PCDHA2: variants seen among roughly 807,000 people sequenced by gnomAD.
The protein encoded by PCDHA2 is protocadherin alpha-2.
A neutral mutation model predicts 66.0 loss-of-function variants in PCDHA2; 58 were observed. That is an observed-to-expected ratio of 0.88 (90% CI 0.71 to 1.09). PCDHA2 has a LOEUF of 1.09. Among genes scored for constraint, PCDHA2 ranks in the 50% least tolerant of loss-of-function variants. The pLI is 0.00. For missense variants in PCDHA2, 1,267 were observed against 1,242.3 expected, an observed-to-expected ratio of 1.02 and a Z score of -0.30; for synonymous variants, 634 against 554.0, an observed-to-expected ratio of 1.14 and a Z score of -2.03.
chr5:140,823,259 A>T, intron 1 of PCDHA2: 10 of 1,613,038 alleles, frequency 6.2e-6, no homozygotes, highest in Non-Finnish European at 8.5e-6. Context: ...TCGCTGGTGG[A>T]GCGGCGGGTG....
In PCDHA2 at chr5:140,843,275, A is replaced by T. The variant is rs1225687958; in HGVS notation, c.2388+45923A>T. 5 of 1,595,844 alleles carry T rather than the reference A, an allele frequency of 3.1e-6. No individual in the cohort carries two copies. In the Admixed American group the frequency reaches 5.1e-5, roughly 16 times the overall value. On this transcript the variant is annotated intron_variant, in intron 1 of 3. Coordinates refer to ENST00000526136, the MANE Select transcript of PCDHA2 (RefSeq NM_018905.3). ...GCGCCACCGTCTGCTGGTCCTGGTGAAGGATCATGGTGAACCTGCGCTGAC... is the reference window on the plus strand; with the variant it reads ...GCGCCACCGTCTGCTGGTCCTGGTGTAGGATCATGGTGAACCTGCGCTGAC...
chr5:140,858,822 T>C (rs1334522952), intron 1 of PCDHA2: 2 of 340,086 alleles, frequency 5.9e-6, no homozygotes, highest in Non-Finnish European at 1.1e-5. Context: ...TGATTGTATT[T>C]GCATTACCAA....
chr5:140,967,201 A>G (rs1554229306), intron 1 of PCDHA2: 7 of 1,613,620 alleles, frequency 4.3e-6, no homozygotes, highest in Non-Finnish European at 5.9e-6. Flanking sequence ...ACGACAACTC[A>G]CCGCGTTTCC....
At chr5:140,841,276 T>A in intron 1 of PCDHA2, 67 of 1,485,756 alleles carry the variant, frequency 4.5e-5, no homozygotes, top group Middle Eastern at 1.8e-4. Flanking sequence ...CAGTCGTTCA[T>A]CTTTATATTA....
At chr5:140,969,034 G>A in intron 1 of PCDHA2, 1 of 1,614,144 alleles carries the variant, frequency 6.2e-7, no homozygotes, top group East Asian at 2.2e-5. Flanking sequence ...CTGCAGAACT[G>A]TACAAACAAG....
chr5:140,891,877 T>A (rs2063293050), intron 1 of PCDHA2, among the ~76,000 whole-genome samples: 1 of 152,218 alleles, frequency 6.6e-6, no homozygotes, highest in East Asian at 1.9e-4. Flanking sequence ...TTTGGCTCTG[T>A]CATGTGACGA....
intron 1 of PCDHA2, chr5:140,823,529 G>A (rs1554129396): frequency 6.2e-7 from 1 of 1,613,792 alleles, no homozygotes; most frequent in South Asian, 1.1e-5. Context: ...AGGTCAGTGG[G>A]TGCGGGCCAC....
At chr5:140,821,969 T>C in intron 1 of PCDHA2, 2 of 1,614,136 alleles carry the variant, frequency 1.2e-6, no homozygotes, top group Non-Finnish European at 1.7e-6. Context: ...CTGTTCCGGG[T>C]GGCGTCCAAG....
rs562978091 is a variant in PCDHA2 at position 140,796,652 on chromosome 5, C to G, written c.1688C>G (p.Pro563Arg). Residue 563 changes from proline (P) to arginine (R), a missense_variant, in exon 1 of 4, where the codon CCG (proline) becomes CGG (arginine). Pro to Arg is a moderately radical substitution (Grantham distance 103). Transcript: ENST00000526136. ...GTGCTGGACGAGAACGACAACGCGC[C>G]GGCACTGTTGGCGCCTAGGGCTGGC... is the stretch of plus-strand genomic sequence containing the variant. The part of the protein sequence containing the change: ...VFVLDENDNA[P>R]ALLAPRAGTA... The G allele has an allele frequency of 9.9e-6, 16 of 1,613,846 alleles. No homozygotes were observed. The highest frequency in any genetic ancestry group is 1.4e-5 in the Non-Finnish European group (16 of 1,179,872).
intron 1 of PCDHA2, chr5:140,968,964 G>A (rs782792392): frequency 7.4e-6 from 12 of 1,614,136 alleles, no homozygotes; most frequent in East Asian, 4.5e-5. Context: ...AAGTGCTACC[G>A]CTACACTGCG....
chr5:140,817,019 TGAGA>T (rs1392520193), intron 1 of PCDHA2: 18 of 152,026 alleles, frequency 1.2e-4, no homozygotes, highest in African/African-American at 4.1e-4. Context: ...CTTTCCCTCA[TGAGA>T]GAGAGAGTGC....
intron 1 of PCDHA2, among the ~76,000 whole-genome samples, chr5:140,920,380 T>C (rs1386655132): frequency 2.0e-5 from 3 of 152,246 alleles, no homozygotes; most frequent in Non-Finnish European, 4.4e-5. Flanking sequence ...TGTGGATTCA[T>C]ATTACCATCT....
chr5:140,917,370 C>G (rs571895312), intron 1 of PCDHA2, among the ~76,000 whole-genome samples: 24 of 150,458 alleles, frequency 1.6e-4, no homozygotes, highest in African/African-American at 5.8e-4. Context: ...CTATCTTGCT[C>G]CACCTCAATA....
intron 1 of PCDHA2, chr5:140,843,204 C>A (rs199959178): frequency 6.3e-7 from 1 of 1,596,052 alleles, no homozygotes; most frequent in South Asian, 1.1e-5. Flanking sequence ...GGGCTGTACA[C>A]GGGCGAGATC....
chr5:140,924,902 A>AAT (rs2082141904), intron 1 of PCDHA2, among the ~76,000 whole-genome samples: 1 of 39,026 alleles, frequency 2.6e-5, no homozygotes, highest in African/African-American at 7.6e-5. Flanking sequence ...CTCAAAAAAA[A>AAT]AAATAAAATA....
chr5:140,957,594 A>C (rs2095369947), intron 1 of PCDHA2, among the ~76,000 whole-genome samples: 1 of 152,154 alleles, frequency 6.6e-6, no homozygotes, highest in Non-Finnish European at 1.5e-5. Context: ...AGCACTTCCC[A>C]GAATAAACAC....
chr5:140,852,594 T>G (rs1554145952), intron 1 of PCDHA2: 2 of 893,746 alleles, frequency 2.2e-6, no homozygotes, highest in African/African-American at 3.6e-5. Flanking sequence ...TTTTTTTTTT[T>G]GTCATTTTCT....
chr5:140,969,536 C>A, intron 1 of PCDHA2: 1 of 1,332,634 alleles, frequency 7.5e-7, no homozygotes, highest in South Asian at 1.6e-5. Flanking sequence ...TTTTCATTTT[C>A]AGAGGCATGA....
intron 1 of PCDHA2, chr5:140,968,403 T>C (rs1554230673): frequency 6.2e-7 from 1 of 1,613,984 alleles, no homozygotes; most frequent in Non-Finnish European, 8.5e-7. Context: ...CGGGAGTTCT[T>C]TGTGACTGTG....
Sources: gnomAD v4.1 joint callset for allele counts (sites outside exome capture counted in the v4.1 genomes callset) on GRCh38, gnomAD v4.1.1 for gene constraint, MANE v1.5 for transcripts, NCBI Gene and HGNC (gene_info 2026-07-23, HGNC 2026-07-21) for gene names.